ZBTB20: variants seen among roughly 807,000 people sequenced by gnomAD.
The protein encoded by ZBTB20 is zinc finger and BTB domain containing 20.
In ZBTB20, 9 loss-of-function variants were observed where a neutral mutation model predicts 56.9. The observed-to-expected ratio is 0.16, with a 90% CI of 0.10 to 0.28. The LOEUF (loss-of-function observed/expected upper bound fraction) is 0.28. ZBTB20 is among the 10% of genes least tolerant of loss of function. ZBTB20 has a pLI of 1.00. For missense variants in ZBTB20, 655 were observed against 1,003.0 expected, an observed-to-expected ratio of 0.65 and a Z score of 4.69; for synonymous variants, 417 against 420.7, an observed-to-expected ratio of 0.99 and a Z score of 0.11.
intron 6 of ZBTB20, among the ~76,000 whole-genome samples, chr3:114,642,248 T>C (rs1368928538): frequency 1.3e-5 from 2 of 152,030 alleles, no homozygotes; most frequent in African/African-American, 2.4e-5. Flanking sequence ...CTCCAATCTC[T>C]TGGAGAAAAA....
intron 7 of ZBTB20, among the ~76,000 whole-genome samples, chr3:114,478,342 T>C (rs1176158076): frequency 6.6e-6 from 1 of 152,218 alleles, no homozygotes; most frequent in African/African-American, 2.4e-5. Context: ...CAATTTTGGA[T>C]GTTTAACTGG....
chr3:114,833,293 G>A (rs2073955526), intron 4 of ZBTB20, among the ~76,000 whole-genome samples: 1 of 152,062 alleles, frequency 6.6e-6, no homozygotes, highest in African/African-American at 2.4e-5. Context: ...TTGTATTACA[G>A]CAAAACACTC....
chr3:115,022,106 T>A (rs2080229761), intron 2 of ZBTB20, among the ~76,000 whole-genome samples: 1 of 150,720 alleles, frequency 6.6e-6, no homozygotes, highest in South Asian at 2.1e-4. Flanking sequence ...TCTCCATTTT[T>A]AAATTCCTAA....
At chr3:114,668,854 C>G (rs1021969994) in intron 6 of ZBTB20, among the ~76,000 whole-genome samples, 1 of 151,986 alleles carries the variant, frequency 6.6e-6, no homozygotes, top group South Asian at 2.1e-4. Flanking sequence ...TGAGGTCTGC[C>G]TATGTGATTC....
chr3:114,404,921 G>A (rs781622147), intron 7 of ZBTB20, among the ~76,000 whole-genome samples: 4 of 152,122 alleles, frequency 2.6e-5, no homozygotes, highest in Non-Finnish European at 4.4e-5. Flanking sequence ...CCATTTCCAA[G>A]AAGCAGCTTA....
chr3:115,011,268 C>G (rs374219449), intron 2 of ZBTB20, among the ~76,000 whole-genome samples: 1 of 151,746 alleles, frequency 6.6e-6, no homozygotes, highest in East Asian at 1.9e-4. Flanking sequence ...ACTTCCCAAC[C>G]CTAGAGAAAT....
intron 6 of ZBTB20, among the ~76,000 whole-genome samples, chr3:114,668,120 A>T (rs1451160393): frequency 6.6e-6 from 1 of 151,840 alleles, no homozygotes; most frequent in Admixed American, 6.6e-5. Flanking sequence ...TATTTTCTTG[A>T]TTTATTCTTT....
intron 4 of ZBTB20, among the ~76,000 whole-genome samples, chr3:114,816,909 T>C (rs2072954397): frequency 6.6e-6 from 1 of 152,172 alleles, no homozygotes; most frequent in South Asian, 2.1e-4. Flanking sequence ...ACTGATAATA[T>C]CTTACAGATT....
intron 3 of ZBTB20, among the ~76,000 whole-genome samples, chr3:114,924,358 T>C (rs541627499): frequency 8.5e-5 from 13 of 152,298 alleles, no homozygotes; most frequent in South Asian, 6.2e-4. Flanking sequence ...GTGGTACATA[T>C]ACACAATGAA....
chr3:114,448,172 C>T (rs2091382749), intron 7 of ZBTB20, among the ~76,000 whole-genome samples: 1 of 152,056 alleles, frequency 6.6e-6, no homozygotes, highest in Admixed American at 6.6e-5. Context: ...CTTCTGGCCT[C>T]TCCCCGGCTG....
chr3:115,062,343 T>A (rs1324652048), intron 2 of ZBTB20, among the ~76,000 whole-genome samples: 2 of 152,226 alleles, frequency 1.3e-5, no homozygotes, highest in Non-Finnish European at 2.9e-5. Flanking sequence ...CAATCAATTA[T>A]AAAATAAATC....
At chr3:114,515,363 T>C (rs1228756982) in intron 6 of ZBTB20, among the ~76,000 whole-genome samples, 1 of 152,208 alleles carries the variant, frequency 6.6e-6, no homozygotes. Flanking sequence ...CAACTGTATT[T>C]ACCTAGTTCT....
chr3:114,895,793 A>G (rs888828501), intron 4 of ZBTB20, among the ~76,000 whole-genome samples: 1 of 152,164 alleles, frequency 6.6e-6, no homozygotes, highest in African/African-American at 2.4e-5. Flanking sequence ...AATTTACTTT[A>G]ATCCACATAT....
Position 114,314,659 on chromosome 3 carries a change from A to G in ZBTB20, c.*24346T>C, listed in dbSNP as rs2078611586. On this transcript the variant is annotated 3_prime_UTR_variant, in exon 12 of 12. Transcript: ENST00000675478. Reference sequence around the variant, plus strand: ...AAAAAAACAAACATCATTCTTAGCAACATCAATTACTCTTCCACACAAAAC... The same window carrying G: ...AAAAAAACAAACATCATTCTTAGCAGCATCAATTACTCTTCCACACAAAAC... 6.6e-6 allele frequency: 1 copy of G among 151,946 alleles called. No homozygotes were observed. The highest frequency in any genetic ancestry group is 2.4e-5 in the African/African-American group (1 of 41,422). 9.4% of individuals were successfully genotyped at this position (151,946 alleles called of 1,614,324 possible).
At position 114,316,621 on chromosome 3, in the gene ZBTB20, C is replaced by G. The variant is rs1202855640; in HGVS notation, c.*22384G>C. 1.9e-6 allele frequency: 1 copy of G among 525,306 alleles called. No individual in the cohort carries two copies. The highest frequency in any genetic ancestry group is 3.9e-6 in the Non-Finnish European group (1 of 256,076). 32.5% of individuals were successfully genotyped at this position (525,306 alleles called of 1,614,324 possible). Reference sequence around the variant, plus strand: ...GGTTCAGACACTAGCACATGCTTAACTTTCCCCTGCTCCCTCTGTATATTT... The same window carrying G: ...GGTTCAGACACTAGCACATGCTTAAGTTTCCCCTGCTCCCTCTGTATATTT... On this transcript the variant is annotated 3_prime_UTR_variant, in exon 12 of 12. Transcript: ENST00000675478.
chr3:114,510,058 T>C (rs555658403), intron 6 of ZBTB20, among the ~76,000 whole-genome samples: 1 of 152,216 alleles, frequency 6.6e-6, no homozygotes, highest in African/African-American at 2.4e-5. Flanking sequence ...GAAACACAAT[T>C]ACGAAAATAT....
intron 5 of ZBTB20, among the ~76,000 whole-genome samples, chr3:114,762,919 A>C (rs2068538540): frequency 6.6e-6 from 1 of 152,166 alleles, no homozygotes; most frequent in Admixed American, 6.5e-5. Flanking sequence ...CTTGTCTTCT[A>C]ATTGAAAATG....
chr3:114,903,086 G>C (rs1436018227), intron 3 of ZBTB20, among the ~76,000 whole-genome samples: 1 of 152,118 alleles, frequency 6.6e-6, no homozygotes, highest in African/African-American at 2.4e-5. Flanking sequence ...TGTGATCAGT[G>C]ATCCATAGAC....
chr3:115,062,265 C>T (rs1370393972), intron 2 of ZBTB20, among the ~76,000 whole-genome samples: 1 of 152,230 alleles, frequency 6.6e-6, no homozygotes, highest in Non-Finnish European at 1.5e-5. Flanking sequence ...GGCAACTCTT[C>T]AAAGTGTCAG....
Sources: allele counts gnomAD v4.1 joint callset (sites outside exome capture counted in the v4.1 genomes callset), GRCh38; gene constraint gnomAD v4.1.1; transcripts MANE v1.5; gene names NCBI Gene and HGNC (gene_info 2026-07-23, HGNC 2026-07-21).